The following ASIC2 variants were observed in gnomAD, a reference collection of about 807,000 sequenced individuals.
ASIC2 encodes the protein acid-sensing ion channel 2.
Under a neutral mutation model 57.3 loss-of-function variants are expected in ASIC2, and 25 were observed. The observed-to-expected ratio is 0.44, with a 90% CI of 0.32 to 0.61. ASIC2 has a LOEUF of 0.61. Among genes scored for constraint, ASIC2 ranks in the 20% least tolerant of loss-of-function variants. The pLI, the probability that ASIC2 is intolerant of heterozygous loss-of-function variation, is 0.06. For synonymous variants in ASIC2, 319 were observed against 307.5 expected (o/e 1.04, Z -0.39); for missense variants, 641 against 738.1 (o/e 0.87, Z 1.52).
intron 1 of ASIC2, chr17:33,580,206 G>A (rs1227669373): frequency 6.6e-6 from 1 of 152,256 alleles, no homozygotes; most frequent in South Asian, 2.1e-4. Flanking sequence ...ACTCCATTCA[G>A]ATGGATATCA....
chr17:33,545,233 G>A (rs533167818), intron 1 of ASIC2, among the ~76,000 whole-genome samples: 1 of 152,088 alleles, frequency 6.6e-6, no homozygotes, highest in African/African-American at 2.4e-5. Context: ...GCCTTCAGTA[G>A]CTGTTGGTTC....
At chr17:33,574,485 AG>A (rs1916554983) in intron 1 of ASIC2, among the ~76,000 whole-genome samples, 3 of 152,150 alleles carry the variant, frequency 2.0e-5, no homozygotes, top group African/African-American at 7.2e-5. Context: ...GGGGTTGCGT[AG>A]GGGTGCTGTG....
intron 1 of ASIC2, among the ~76,000 whole-genome samples, chr17:33,489,349 C>G (rs900755656): frequency 6.6e-6 from 1 of 152,164 alleles, no homozygotes; most frequent in African/African-American, 2.4e-5. Context: ...ACCTGAGGCT[C>G]AAAGAAGTGA....
chr17:33,469,527 A>G (rs1215867277), intron 1 of ASIC2, among the ~76,000 whole-genome samples: 1 of 152,190 alleles, frequency 6.6e-6, no homozygotes, highest in Non-Finnish European at 1.5e-5. Context: ...GAACTCCAGC[A>G]GACACCGTGA....
chr17:33,589,470 C>T (rs1904757551), intron 1 of ASIC2, among the ~76,000 whole-genome samples: 1 of 152,114 alleles, frequency 6.6e-6, no homozygotes, highest in Non-Finnish European at 1.5e-5. Flanking sequence ...TCCCTAGAAA[C>T]CACTCATCAT....
At chr17:33,189,064 G>A (rs369174506) in intron 1 of ASIC2, among the ~76,000 whole-genome samples, 3 of 152,110 alleles carry the variant, frequency 2.0e-5, no homozygotes, top group African/African-American at 7.2e-5. Flanking sequence ...TATAACATTT[G>A]CTTGATAAGT....
chr17:33,790,979 T>C (rs1911752338), intron 1 of ASIC2, among the ~76,000 whole-genome samples: 1 of 152,176 alleles, frequency 6.6e-6, no homozygotes, highest in Admixed American at 6.5e-5. Flanking sequence ...CAAGTGATCA[T>C]ATAGCCAGTC....
intron 1 of ASIC2, among the ~76,000 whole-genome samples, chr17:33,461,363 T>C (rs1027170071): frequency 3.3e-5 from 5 of 152,236 alleles, no homozygotes; most frequent in Non-Finnish European, 2.9e-5. Flanking sequence ...TGGTCAATTC[T>C]ATCATGCAGG....
intron 1 of ASIC2, among the ~76,000 whole-genome samples, chr17:33,763,907 T>C (rs1033765331): frequency 9.8e-5 from 15 of 152,332 alleles, no homozygotes; most frequent in African/African-American, 3.4e-4. Context: ...GAAACCACTC[T>C]GCTTATCTTT....
chr17:34,030,859 C>T (rs1409443876), intron 1 of ASIC2, among the ~76,000 whole-genome samples: 2 of 152,232 alleles, frequency 1.3e-5, no homozygotes, highest in East Asian at 3.8e-4. Flanking sequence ...AACAAAGAGG[C>T]CAGGAAGCTC....
intron 1 of ASIC2, among the ~76,000 whole-genome samples, chr17:33,201,211 C>A (rs889763590): frequency 1.3e-5 from 2 of 152,156 alleles, no homozygotes; most frequent in African/African-American, 4.8e-5. Context: ...GGATTTTGAT[C>A]TGTGTGTTAA....
intron 1 of ASIC2, among the ~76,000 whole-genome samples, chr17:33,835,832 G>A (rs1913256895): frequency 6.6e-6 from 1 of 151,646 alleles, no homozygotes; most frequent in South Asian, 2.1e-4. Flanking sequence ...GTATTTTTTA[G>A]AGATGGGATT....
At chr17:33,401,590 A>G (rs988552705) in intron 1 of ASIC2, among the ~76,000 whole-genome samples, 5 of 152,218 alleles carry the variant, frequency 3.3e-5, no homozygotes, top group Non-Finnish European at 7.3e-5. Flanking sequence ...ATTGAGCTTA[A>G]TGATTTATGT....
At chr17:33,485,785 C>T (rs1231864237) in intron 1 of ASIC2, among the ~76,000 whole-genome samples, 3 of 152,202 alleles carry the variant, frequency 2.0e-5, no homozygotes, top group Non-Finnish European at 4.4e-5. Flanking sequence ...TTAAATAAAA[C>T]ACTCAGTGTG....
intron 1 of ASIC2, chr17:34,004,797 C>G (rs1162944785): frequency 6.6e-6 from 1 of 151,472 alleles, no homozygotes; most frequent in Non-Finnish European, 1.5e-5. Flanking sequence ...TCTGATGTCC[C>G]ATGTGGCAAA....
At chr17:33,203,166 G>A (rs569629022) in intron 1 of ASIC2, among the ~76,000 whole-genome samples, 101 of 152,320 alleles carry the variant, frequency 6.6e-4, no homozygotes, top group African/African-American at 2.3e-3. Flanking sequence ...ACTAGTGCCT[G>A]TATTATGTTG....
chr17:33,899,295 G>T (rs374140621), intron 1 of ASIC2, among the ~76,000 whole-genome samples: 2 of 152,204 alleles, frequency 1.3e-5, no homozygotes. Context: ...CGAGATGGGG[G>T]TAGTGAAGCT....
At chr17:34,130,681 T>C (rs893547087) in intron 1 of ASIC2, among the ~76,000 whole-genome samples, 7 of 152,242 alleles carry the variant, frequency 4.6e-5, no homozygotes, top group Non-Finnish European at 1.0e-4. Context: ...AATGAATCTG[T>C]TAGGATGCGT....
At chr17:33,680,313 G>A (rs1156564782) in intron 1 of ASIC2, among the ~76,000 whole-genome samples, 1 of 152,184 alleles carries the variant, frequency 6.6e-6, no homozygotes, top group Non-Finnish European at 1.5e-5. Flanking sequence ...CTGCAGGGAA[G>A]TGGTACCTGC....
Sources: gnomAD v4.1 joint callset for allele counts (sites outside exome capture counted in the v4.1 genomes callset) on GRCh38, gnomAD v4.1.1 for gene constraint, MANE v1.5 for transcripts, NCBI Gene and HGNC (gene_info 2026-07-23, HGNC 2026-07-21) for gene names.